ZMYM2: variants seen among roughly 807,000 people sequenced by gnomAD.
ZMYM2 encodes zinc finger MYM-type containing 2, also known as zinc finger MYM-type protein 2.
Under a neutral mutation model 162.8 loss-of-function variants are expected in ZMYM2, and 56 were observed. That is an observed-to-expected ratio of 0.34 (90% confidence interval 0.28 to 0.43). The LOEUF is 0.43. Ranked by LOEUF, ZMYM2 falls within the 20% of genes least tolerant of loss-of-function variation. The pLI, the probability that ZMYM2 is intolerant of heterozygous loss-of-function variation, is 1.00. For missense variants in ZMYM2, 1,275 were observed against 1,621.8 expected, an observed-to-expected ratio of 0.79 and a Z score of 3.67; for synonymous variants, 510 against 541.6, an observed-to-expected ratio of 0.94 and a Z score of 0.81.
intron 12 of ZMYM2, among the ~76,000 whole-genome samples, chr13:20,049,356 G>A (rs539892695): frequency 1.3e-5 from 2 of 152,004 alleles, no homozygotes; most frequent in East Asian, 3.9e-4. Context: ...ATTGTAGAAC[G>A]ATGAAGTGAT....
chr13:20,061,370 A>ACGG, intron 17 of ZMYM2, 146 bp downstream of exon 17: 1 of 651,294 alleles, frequency 1.5e-6, no homozygotes, highest in Admixed American at 4.7e-5. Context: ...TTTTTATATT[A>ACGG]AGAGATCTAC....
At chr13:20,014,341 G>T (rs1402001066) in intron 6 of ZMYM2, among the ~76,000 whole-genome samples, 3 of 152,084 alleles carry the variant, frequency 2.0e-5, no homozygotes, top group African/African-American at 7.2e-5. Context: ...CAAAATGTTG[G>T]GATTATAGGC....
At chr13:20,008,170 C>T (rs761156947) in intron 6 of ZMYM2, among the ~76,000 whole-genome samples, 1 of 152,124 alleles carries the variant, frequency 6.6e-6, no homozygotes, top group Non-Finnish European at 1.5e-5. Context: ...TGCTCTGTTG[C>T]CCAAGCTGGA....
intron 2 of ZMYM2, among the ~76,000 whole-genome samples, chr13:19,987,936 T>C (rs1340391832): frequency 6.6e-6 from 1 of 152,154 alleles, no homozygotes; most frequent in Non-Finnish European, 1.5e-5. Flanking sequence ...CAGTAATAAA[T>C]GTATCTTTTG....
At chr13:19,923,034 A>AG in the ZMYM2 span, among the ~76,000 whole-genome samples, 1 of 149,660 alleles carries the variant, frequency 6.7e-6, no homozygotes, top group Non-Finnish European at 1.5e-5. Context: ...AAAAAAAAAA[A>AG]AAAAAGAAAC....
intron 12 of ZMYM2, among the ~76,000 whole-genome samples, chr13:20,043,188 A>T (rs922179092): frequency 1.3e-5 from 2 of 152,130 alleles, no homozygotes; most frequent in Non-Finnish European, 2.9e-5. Flanking sequence ...TATCAGTCTC[A>T]ACTTGATTCT....
chr13:20,061,425 A>G (rs1038184034), intron 17 of ZMYM2, among the ~76,000 whole-genome samples: 1 of 152,150 alleles, frequency 6.6e-6, no homozygotes, highest in South Asian at 2.1e-4. Context: ...CGAAGCAGGA[A>G]TTTGGTCTTT....
intron 21 of ZMYM2, among the ~76,000 whole-genome samples, chr13:20,074,196 TTGTGTGTGTGTGTGTG>T (rs59855358): frequency 2.7e-3 from 381 of 141,606 alleles, no homozygotes; most frequent in African/African-American, 8.6e-3. Flanking sequence ...ATGTCAGAAT[TTGTGTGTGTGTGTGTG>T]TGTGTGTGTG....
the ZMYM2 span, among the ~76,000 whole-genome samples, chr13:19,896,364 G>A: frequency 1.3e-5 from 2 of 150,748 alleles, no homozygotes; most frequent in East Asian, 2.0e-4. Flanking sequence ...GGCTGGTCTC[G>A]AACTCCTGAC....
chr13:19,997,443 T>C (rs1266823235), intron 3 of ZMYM2, among the ~76,000 whole-genome samples: 1 of 152,192 alleles, frequency 6.6e-6, no homozygotes, highest in Non-Finnish European at 1.5e-5. Context: ...AAAATAAATA[T>C]GCTCTTTTTT....
chr13:19,871,964 T>A, the ZMYM2 span, among the ~76,000 whole-genome samples: 1 of 151,936 alleles, frequency 6.6e-6, no homozygotes, highest in East Asian at 1.9e-4. Context: ...GTATTTATTA[T>A]TATTATTATT....
At chr13:19,867,436 A>G in the ZMYM2 span, among the ~76,000 whole-genome samples, 1 of 152,216 alleles carries the variant, frequency 6.6e-6, no homozygotes, top group African/African-American at 2.4e-5. Flanking sequence ...CATAGATCAA[A>G]AACAACTGGG....
chr13:19,999,684 C>G (rs183107837), intron 3 of ZMYM2, among the ~76,000 whole-genome samples: 178 of 152,296 alleles, frequency 1.2e-3, no homozygotes, highest in Non-Finnish European at 2.1e-3. Context: ...GTTGAAAAGC[C>G]TAGAAAGGCT....
Position 20,051,553 on chromosome 13 carries a change from G to C in ZMYM2, c.2413G>C (p.Glu805Gln). The C allele has an allele frequency of 6.2e-7, 1 of 1,613,324 alleles. No individual in the cohort carries two copies. The highest frequency in any genetic ancestry group is 8.5e-7 in the Non-Finnish European group (1 of 1,179,518). ...CLLRFYCQQN[E>Q]PNMTTQKGPE... ...ACTGCGTTTCTACTGTCAACAAAAT[G>C]AGCCCAACATGACAACTCAGAAAGG... Residue 805 changes from glutamate (E) to glutamine (Q), a missense_variant, in exon 13 of 25, where the codon GAG (glutamate) becomes CAG (glutamine). Transcript: ENST00000610343.
At chr13:20,058,799 T>A (rs748029243) in intron 15 of ZMYM2, 95 bp downstream of exon 15, 1 of 1,497,456 alleles carries the variant, frequency 6.7e-7, no homozygotes, top group South Asian at 1.2e-5. Context: ...CAGGATAGAT[T>A]CATTTGGTCA....
chr13:19,895,772 C>A, the ZMYM2 span, among the ~76,000 whole-genome samples: 1 of 151,680 alleles, frequency 6.6e-6, no homozygotes, highest in Non-Finnish European at 1.5e-5. Context: ...CCTCAGCATA[C>A]CCAAAAGAAT....
intron 2 of ZMYM2, among the ~76,000 whole-genome samples, chr13:19,989,952 C>T (rs1321415582): frequency 2.0e-5 from 3 of 152,160 alleles, no homozygotes; most frequent in Non-Finnish European, 4.4e-5. Flanking sequence ...CTCCCATCAC[C>T]ACCCTTTTTC....
chr13:19,949,392 C>G, the ZMYM2 span, among the ~76,000 whole-genome samples: 2 of 151,768 alleles, frequency 1.3e-5, no homozygotes, highest in Non-Finnish European at 2.9e-5. Context: ...TCAGCTTGGG[C>G]TACAGAGCGA....
chr13:19,986,973 C>T (rs1040306134), intron 2 of ZMYM2, among the ~76,000 whole-genome samples: 4 of 151,646 alleles, frequency 2.6e-5, no homozygotes, highest in African/African-American at 9.7e-5. Flanking sequence ...GTCATGGTGG[C>T]TCATGCCTGT....
Sources: gnomAD v4.1 joint callset for allele counts (sites outside exome capture counted in the v4.1 genomes callset) on GRCh38, gnomAD v4.1.1 for gene constraint, MANE v1.5 for transcripts, NCBI Gene and HGNC (gene_info 2026-07-23, HGNC 2026-07-21) for gene names.